SGCZ: variants seen among roughly 807,000 people sequenced by gnomAD.
SGCZ encodes sarcoglycan zeta, also known as zeta-sarcoglycan.
Under a neutral mutation model 41.3 loss-of-function variants are expected in SGCZ, and 40 were observed. The observed-to-expected ratio is 0.97, with a 90% CI of 0.75 to 1.26. The LOEUF (loss-of-function observed/expected upper bound fraction) is 1.26. Among genes scored for constraint, SGCZ ranks in the 50% most tolerant of loss-of-function variants. SGCZ has a pLI of 0.00. For synonymous variants in SGCZ, 206 were observed against 137.5 expected, an observed-to-expected ratio of 1.50 and a Z score of -3.49; for missense variants, 552 against 369.8, an observed-to-expected ratio of 1.49 and a Z score of -4.04.
chr8:14,755,408 T>C (rs1303686888), intron 1 of SGCZ, among the ~76,000 whole-genome samples: 2 of 136,204 alleles, frequency 1.5e-5, no homozygotes, highest in East Asian at 2.3e-4. Flanking sequence ...GCTCTACTAA[T>C]GGGCTTTTTT....
At chr8:14,979,218 C>T (rs186006676) in intron 1 of SGCZ, among the ~76,000 whole-genome samples, 90 of 152,090 alleles carry the variant, frequency 5.9e-4, no homozygotes, top group Non-Finnish European at 1.1e-3. Flanking sequence ...TCTCAGGTAA[C>T]ATCAAAAACA....
intron 2 of SGCZ, among the ~76,000 whole-genome samples, chr8:14,382,033 T>C (rs995515950): frequency 6.6e-6 from 1 of 152,170 alleles, no homozygotes; most frequent in Non-Finnish European, 1.5e-5. Flanking sequence ...TGCTAACTCT[T>C]GTTGAAATTT....
chr8:14,119,945 G>A (rs566856615), intron 5 of SGCZ, among the ~76,000 whole-genome samples: 1 of 152,218 alleles, frequency 6.6e-6, no homozygotes, highest in South Asian at 2.1e-4. Flanking sequence ...TTTTTGATGT[G>A]CTGCTAGATT....
intron 1 of SGCZ, among the ~76,000 whole-genome samples, chr8:15,044,809 G>C (rs962646360): frequency 1.3e-5 from 2 of 152,084 alleles, no homozygotes; most frequent in Non-Finnish European, 2.9e-5. Context: ...CAAGAGCACA[G>C]CTTGAGTGAA....
intron 1 of SGCZ, among the ~76,000 whole-genome samples, chr8:15,081,408 C>T (rs1805742133): frequency 6.6e-6 from 1 of 150,802 alleles, no homozygotes; most frequent in South Asian, 2.1e-4. Context: ...TTAAAGAAAC[C>T]TAGTTTATGA....
At chr8:14,137,854 G>C (rs375196917) in intron 5 of SGCZ, among the ~76,000 whole-genome samples, 49 of 152,180 alleles carry the variant, frequency 3.2e-4, no homozygotes, top group African/African-American at 1.1e-3. Context: ...TCCTCAAGAA[G>C]AGCAACCCCA....
intron 4 of SGCZ, among the ~76,000 whole-genome samples, chr8:14,225,083 A>C (rs1806327058): frequency 6.6e-6 from 1 of 152,154 alleles, no homozygotes; most frequent in South Asian, 2.1e-4. Flanking sequence ...AGAATCATAA[A>C]TTTATTCAAT....
chr8:15,149,514 GCT>G (rs1799121114), intron 1 of SGCZ, among the ~76,000 whole-genome samples: 1 of 152,064 alleles, frequency 6.6e-6, no homozygotes, highest in Non-Finnish European at 1.5e-5. Context: ...AGCCTCCAAG[GCT>G]CTGACAGACA....
At chr8:14,559,890 T>G (rs1048733202) in intron 1 of SGCZ, among the ~76,000 whole-genome samples, 2 of 152,126 alleles carry the variant, frequency 1.3e-5, no homozygotes, top group African/African-American at 4.8e-5. Flanking sequence ...ACCATAAAGC[T>G]TTATTTCTTA....
chr8:15,024,096 G>A (rs997611073), intron 1 of SGCZ, among the ~76,000 whole-genome samples: 4 of 152,206 alleles, frequency 2.6e-5, no homozygotes, highest in Admixed American at 1.3e-4. Context: ...CAATTGGTAT[G>A]TTATTCACAG....
intron 4 of SGCZ, among the ~76,000 whole-genome samples, chr8:14,182,081 G>A (rs1231795665): frequency 6.6e-6 from 1 of 152,100 alleles, no homozygotes; most frequent in African/African-American, 2.4e-5. Flanking sequence ...TGTATATGTG[G>A]CCTGTACGCA....
chr8:14,552,468 T>C (rs1803901016), intron 2 of SGCZ, among the ~76,000 whole-genome samples: 1 of 152,086 alleles, frequency 6.6e-6, no homozygotes, highest in Non-Finnish European at 1.5e-5. Context: ...CAGTTTTCCT[T>C]CTGATTATAA....
At position 14,448,258 on chromosome 8, in the gene SGCZ, G is replaced by A. The variant is rs148729844; in HGVS notation, c.234+106474C>T. ...CAGCTTGTACGTGGCCACTGGTACC[G>A]TCTAAAATGAGGATACATATTAAGA... On this transcript the variant is annotated intron_variant, in intron 2 of 7. Coordinates refer to ENST00000382080, the MANE Select transcript of SGCZ (RefSeq NM_139167.4). Among the ~76,000 whole-genome samples the A allele has an allele frequency of 4.1e-3, 617 of 152,234 alleles. 3 individuals are homozygous for A. The highest frequency in any genetic ancestry group is 2.0e-3 in the Non-Finnish European group (138 of 68,018).
In SGCZ at chr8:14,385,981, G is replaced by A. The variant is rs149096735; in HGVS notation, c.235-61777C>T. ...GATTACTTATAATACCAAATACAAT[G>A]TAAATACTATGTAAATCGCTGTTAT... On this transcript the variant is annotated intron_variant, in intron 2 of 7. Coordinates refer to ENST00000382080, the MANE Select transcript of SGCZ (RefSeq NM_139167.4). Among the ~76,000 whole-genome samples, 68 of 152,148 alleles carry A rather than the reference G, an allele frequency of 4.5e-4. 1 individual carries two copies. The highest frequency in any genetic ancestry group is 3.4e-3 in the Middle Eastern group (1 of 294).
chr8:14,866,218 T>G (rs1347496502), intron 1 of SGCZ, among the ~76,000 whole-genome samples: 1 of 152,090 alleles, frequency 6.6e-6, no homozygotes, highest in East Asian at 1.9e-4. Context: ...GGAGCAAAAT[T>G]TTCAAACTTG....
intron 1 of SGCZ, among the ~76,000 whole-genome samples, chr8:15,093,630 C>A (rs1281987100): frequency 6.6e-6 from 1 of 152,074 alleles, no homozygotes; most frequent in Non-Finnish European, 1.5e-5. Context: ...GGTAGGCATA[C>A]CTCTTCATCA....
rs1419692619 is a variant in SGCZ at position 15,227,763 on chromosome 8, C to T, written c.39+9822G>A. ...GCACATGTTGCAAAACACTGAAGTACAACTCCACAACTCTGAATAGGCACA... is the reference window on the plus strand; with the variant it reads ...GCACATGTTGCAAAACACTGAAGTATAACTCCACAACTCTGAATAGGCACA... On this transcript the variant is annotated intron_variant, in intron 1 of 7. Coordinates refer to ENST00000382080, the MANE Select transcript of SGCZ (RefSeq NM_139167.4). Among the ~76,000 whole-genome samples, 3 of 152,144 alleles carry T rather than the reference C, an allele frequency of 2.0e-5. No individual in the cohort carries two copies. In the East Asian group the frequency reaches 5.8e-4, roughly 29 times the overall value.
chr8:14,479,025 T>C (rs1001167976), intron 2 of SGCZ, among the ~76,000 whole-genome samples: 2 of 152,180 alleles, frequency 1.3e-5, no homozygotes, highest in Non-Finnish European at 2.9e-5. Flanking sequence ...GTATTCGGGT[T>C]CTCCAGCGGG....
intron 6 of SGCZ, among the ~76,000 whole-genome samples, chr8:14,107,857 G>C (rs1175591804): frequency 6.6e-6 from 1 of 151,990 alleles, no homozygotes; most frequent in Non-Finnish European, 1.5e-5. Context: ...TATGTTGCCA[G>C]GTCTTGAACT....
Sources: gnomAD v4.1 joint callset for allele counts (sites outside exome capture counted in the v4.1 genomes callset) on GRCh38, gnomAD v4.1.1 for gene constraint, MANE v1.5 for transcripts, NCBI Gene and HGNC (gene_info 2026-07-23, HGNC 2026-07-21) for gene names.